The following KIRREL3 variants were observed in gnomAD, a reference collection of about 807,000 sequenced individuals.
KIRREL3 encodes the protein kin of IRRE-like protein 3.
KIRREL3 carries 36 observed loss-of-function variants against 89.7 expected under a neutral mutation model. The observed-to-expected ratio is 0.40, with a 90% CI of 0.31 to 0.53. The LOEUF is 0.53. Among genes scored for constraint, KIRREL3 ranks in the 20% least tolerant of loss-of-function variants. The probability of loss-of-function intolerance (pLI) is 0.49; values close to 1 mark genes in which losing one functional copy is unlikely to be tolerated. For synonymous variants in KIRREL3, 445 were observed against 441.4 expected, an observed-to-expected ratio of 1.01 and a Z score of -0.10; for missense variants, 864 against 1,056.6, an observed-to-expected ratio of 0.82 and a Z score of 2.53.
In KIRREL3 at chr11:126,544,737, G is replaced by A. The variant is rs959807082; in HGVS notation, c.134-18050C>T. Among the ~76,000 whole-genome samples, 3 of 152,148 alleles carry A rather than the reference G, an allele frequency of 2.0e-5. No homozygotes were observed. Among genetic ancestry groups the A allele is most frequent in the Non-Finnish European group, 4.4e-5 (3 of 68,030 alleles). On this transcript the variant is annotated intron_variant, in intron 2 of 16. Transcript: ENST00000525144. This position sits in a 1 kb window ranked among gnomAD's most constrained non-coding sequence, Gnocchi z 5.6. The stretch of plus-strand genomic sequence containing the variant: ...TGCAGGGAGCTGTCCTTGGTTGGCA[G>A]CATCAAGATAATCGCCTAAGCCCTT...
chr11:126,545,400 G>C (rs1047864251), intron 2 of KIRREL3, among the ~76,000 whole-genome samples: 3 of 152,082 alleles, frequency 2.0e-5, no homozygotes, highest in Non-Finnish European at 2.9e-5. Context: ...TGTCCTTGCT[G>C]CTTTCAGGGG....
chr11:126,488,686 G>A (rs371845842), intron 4 of KIRREL3, among the ~76,000 whole-genome samples: 16 of 152,314 alleles, frequency 1.1e-4, no homozygotes, highest in African/African-American at 3.6e-4. Flanking sequence ...CCGTGAGCTG[G>A]AGCCCACACC....
chr11:126,869,561 C>A (rs60512742), intron 1 of KIRREL3, among the ~76,000 whole-genome samples: 1 of 152,142 alleles, frequency 6.6e-6, no homozygotes, highest in Non-Finnish European at 1.5e-5. Flanking sequence ...CAAATGGGTT[C>A]AGCTCAAGTC....
intron 1 of KIRREL3, among the ~76,000 whole-genome samples, chr11:126,941,523 C>T (rs771417289): frequency 3.9e-5 from 6 of 152,200 alleles, no homozygotes; most frequent in Non-Finnish European, 7.3e-5. Flanking sequence ...CAGCCAGCCT[C>T]GCATGGTGCA....
chr11:126,564,937 G>A lies in KIRREL3; in HGVS notation c.56-2025C>T, dbSNP rs1940408056. Among the ~76,000 whole-genome samples, 1 of 152,184 alleles carries A rather than the reference G, an allele frequency of 6.6e-6. No individual in the cohort carries two copies. The highest frequency in any genetic ancestry group is 2.4e-5 in the African/African-American group (1 of 41,436). On this transcript the variant is annotated intron_variant, in intron 1 of 16. Transcript: ENST00000525144. This position sits in a 1 kb window ranked among gnomAD's most constrained non-coding sequence, Gnocchi z 7.4. ...CACACGCATTGTTCATCATTAGAAT[G>A]ATACAATTGCTGACAATTCCTATTA...
rs1483641243 is a variant in KIRREL3, at chr11:126,537,840, C to A, written c.134-11153G>T. Among the ~76,000 whole-genome samples, 1 of 152,270 alleles carries A rather than the reference C, an allele frequency of 6.6e-6. No individual in the cohort carries two copies. Among genetic ancestry groups the A allele is most frequent in the African/African-American group, 2.4e-5 (1 of 41,474 alleles). The stretch of plus-strand genomic sequence containing the variant: ...CTTACTTTCGTCACTATCCACAAGT[C>A]TTTCCTGAGCTTGGGACTGTTAAAA... On this transcript the variant is annotated intron_variant, in intron 2 of 16. Transcript: ENST00000525144. The surrounding 1 kb of genome is among the most constrained non-coding windows in gnomAD (Gnocchi z 4.3).
chr11:126,599,121 G>C (rs1942530369), intron 1 of KIRREL3, among the ~76,000 whole-genome samples: 1 of 152,216 alleles, frequency 6.6e-6, no homozygotes, highest in Admixed American at 6.5e-5. Flanking sequence ...GACATCTGCT[G>C]TTTCAAGCTG....
chr11:126,939,037 T>A (rs5005608), intron 1 of KIRREL3, among the ~76,000 whole-genome samples: 3 of 152,184 alleles, frequency 2.0e-5, no homozygotes, highest in South Asian at 2.1e-4. Context: ...AGCCCCGCCC[T>A]GCCAGGCACA....
chr11:126,607,958 G>A lies in KIRREL3; in HGVS notation c.56-45046C>T, dbSNP rs1262602643. Among the ~76,000 whole-genome samples the A allele has an allele frequency of 1.3e-5, 2 of 152,170 alleles. No homozygotes were observed. The highest frequency in any genetic ancestry group is 2.9e-5 in the Non-Finnish European group (2 of 68,028). On this transcript the variant is annotated intron_variant, in intron 1 of 16. Coordinates refer to ENST00000525144, the MANE Select transcript of KIRREL3 (RefSeq NM_032531.4). This position sits in a 1 kb window ranked among gnomAD's most constrained non-coding sequence, Gnocchi z 6.6. ...ACTAGGGCAACTGCTCAGCCCCATC[G>A]CAGCAAGGGCCCGAGGAACGAGCAC...
intron 2 of KIRREL3, among the ~76,000 whole-genome samples, chr11:126,539,784 G>A (rs1938208313): frequency 1.3e-5 from 2 of 152,198 alleles, no homozygotes; most frequent in Non-Finnish European, 2.9e-5. Context: ...TGGGAAGGAG[G>A]TGTGAAGAAC....
chr11:126,440,605 C>T (rs1281089210), intron 10 of KIRREL3, 56 bp from the exon 11 acceptor site: 5 of 1,470,428 alleles, frequency 3.4e-6, no homozygotes, highest in Middle Eastern at 1.7e-4. Flanking sequence ...CCTGCTGGCG[C>T]CCTCTTGGGT....
At chr11:126,915,275 T>C (rs1946993250) in intron 1 of KIRREL3, among the ~76,000 whole-genome samples, 1 of 152,234 alleles carries the variant, frequency 6.6e-6, no homozygotes, top group African/African-American at 2.4e-5. Context: ...TGAAGTCCAA[T>C]AACTCTCCTG....
intron 1 of KIRREL3, chr11:126,936,220 A>G (rs979492598): frequency 6.6e-6 from 1 of 152,252 alleles, no homozygotes; most frequent in Admixed American, 6.5e-5. Flanking sequence ...TAGAATGGCT[A>G]TAATAAAAAA....
Position 126,943,530 on chromosome 11 carries a change from G to C in KIRREL3, c.55+56925C>G, listed in dbSNP as rs143672175. On this transcript the variant is annotated intron_variant, in intron 1 of 16. Coordinates refer to ENST00000525144, the MANE Select transcript of KIRREL3 (RefSeq NM_032531.4). The surrounding 1 kb of genome is among the most constrained non-coding windows in gnomAD (Gnocchi z 4.2). The stretch of plus-strand genomic sequence containing the variant: ...CACAACGCCATGGAGCATGGGTGAA[G>C]GATGAGCCCAGGACAAGATTAAATC... Among the ~76,000 whole-genome samples the C allele has an allele frequency of 5.6e-4, 86 of 152,318 alleles. 1 individual carries two copies. Among genetic ancestry groups the C allele is most frequent in the African/African-American group, 2.0e-3 (84 of 41,568 alleles).
At chr11:126,963,334 C>CAG (rs1182015291) in intron 1 of KIRREL3, among the ~76,000 whole-genome samples, 1 of 150,790 alleles carries the variant, frequency 6.6e-6, no homozygotes, top group Admixed American at 6.6e-5. Flanking sequence ...CACACACACA[C>CAG]AGACACACAC....
Position 126,579,187 on chromosome 11 carries a change from G to T in KIRREL3, c.56-16275C>A, listed in dbSNP as rs1314944799. Among the ~76,000 whole-genome samples the T allele has an allele frequency of 6.6e-6, 1 of 152,182 alleles. No homozygotes were observed. The highest frequency in any genetic ancestry group is 1.9e-4 in the East Asian group (1 of 5,194). On this transcript the variant is annotated intron_variant, in intron 1 of 16. Transcript: ENST00000525144. This position sits in a 1 kb window ranked among gnomAD's most constrained non-coding sequence, Gnocchi z 5.3. ...GAGGATGAACGGGTCGTCTAAAACA[G>T]ATGACGCTGGTGCGGGCCCCAGGGA...
In KIRREL3 at chr11:126,981,006, A is replaced by G. The variant is rs1720218774; in HGVS notation, c.55+19449T>C. On this transcript the variant is annotated intron_variant, in intron 1 of 16. Transcript: ENST00000525144. The surrounding 1 kb of genome is among the most constrained non-coding windows in gnomAD (Gnocchi z 4.2). ...TTAGAAATTTTCATCCTCAGTACTT[A>G]GCAATGAGAGATGGTATACTTAGAT... Among the ~76,000 whole-genome samples, 4 of 152,246 alleles carry G rather than the reference A, an allele frequency of 2.6e-5. No homozygotes were observed. Among genetic ancestry groups the G allele is most frequent in the Admixed American group, 2.6e-4 (4 of 15,284 alleles).
chr11:126,845,722 A>G (rs1944116301), intron 1 of KIRREL3, among the ~76,000 whole-genome samples: 1 of 152,170 alleles, frequency 6.6e-6, no homozygotes, highest in East Asian at 1.9e-4. Context: ...CCATTTGTTT[A>G]TTCTCTTCCC....
chr11:126,449,459 C>T (rs1256151705), intron 7 of KIRREL3, among the ~76,000 whole-genome samples: 1 of 152,210 alleles, frequency 6.6e-6, no homozygotes, highest in African/African-American at 2.4e-5. Flanking sequence ...GGCTGGTCAG[C>T]CCATCTGCTG....
Sources: gnomAD v4.1 joint callset for allele counts (sites outside exome capture counted in the v4.1 genomes callset) on GRCh38, gnomAD v4.1.1 for gene constraint, Gnocchi (gnomAD v3.1) non-coding constraint, MANE v1.5 for transcripts, NCBI Gene and HGNC (gene_info 2026-07-23, HGNC 2026-07-21) for gene names.